MAP4K4: variants seen among roughly 807,000 people sequenced by gnomAD.
MAP4K4 encodes HPK/GCK-like kinase HGK.
MAP4K4 carries 38 observed loss-of-function variants against 189.6 expected under a neutral mutation model. The observed-to-expected ratio is 0.20, with a 90% CI of 0.15 to 0.26. The LOEUF (loss-of-function observed/expected upper bound fraction) is 0.26, where lower values mean the gene tolerates loss of function less well. MAP4K4 is among the 10% of genes least tolerant of loss of function. The pLI is 1.00. For missense variants in MAP4K4, 1,054 were observed against 1,726.9 expected (o/e 0.61, Z 6.91); for synonymous variants, 610 against 624.3 (o/e 0.98, Z 0.34).
intron 2 of MAP4K4, among the ~76,000 whole-genome samples, chr2:101,790,438 T>A (rs1423481802): frequency 6.6e-6 from 1 of 152,152 alleles, no homozygotes; most frequent in African/African-American, 2.4e-5. Context: ...AAAAAAAAGT[T>A]TCTTTGAGAT....
intron 2 of MAP4K4, among the ~76,000 whole-genome samples, chr2:101,783,683 C>T (rs559567459): frequency 6.6e-6 from 1 of 152,180 alleles, no homozygotes. Flanking sequence ...TATTAACACT[C>T]CCAAGCCAAC....
At chr2:101,862,325 A>C (rs1454741832) in intron 16 of MAP4K4, 1 of 146,874 alleles carries the variant, frequency 6.8e-6, no homozygotes, top group Admixed American at 6.8e-5. Flanking sequence ...TTTCCATGGG[A>C]CCAGCAGTTT....
At chr2:101,764,657 T>G (rs2077827779) in intron 2 of MAP4K4, among the ~76,000 whole-genome samples, 1 of 152,232 alleles carries the variant, frequency 6.6e-6, no homozygotes, top group Admixed American at 6.5e-5. Context: ...TTGTGTCTGC[T>G]TTTAAAGCTC....
rs547326378 is a variant in MAP4K4 at position 101,852,145 on chromosome 2, T to G, written c.1234-3832T>G. Among the ~76,000 whole-genome samples, 32 of 152,048 alleles carry G rather than the reference T, an allele frequency of 2.1e-4. No individual in the cohort carries two copies. In the East Asian group the frequency reaches 3.9e-3, roughly 18 times the overall value. On this transcript the variant is annotated intron_variant, in intron 12 of 32. Transcript: ENST00000324219. ...GGAGGCATAAAGGAGGTGTTTTTTT[T>G]TTTTGTTTTTATTAGTATGAGGCAC...
chr2:101,731,162 G>A (rs1195500741), intron 2 of MAP4K4, among the ~76,000 whole-genome samples: 1 of 151,636 alleles, frequency 6.6e-6, no homozygotes, highest in Non-Finnish European at 1.5e-5. Flanking sequence ...TGCTGCCCAG[G>A]CTGGAGTGCA....
intron 18 of MAP4K4, among the ~76,000 whole-genome samples, chr2:101,865,395 C>G (rs908940511): frequency 2.0e-5 from 3 of 152,180 alleles, no homozygotes; most frequent in Non-Finnish European, 4.4e-5. Context: ...ACAGAAATCA[C>G]AAACAGGTTA....
chr2:101,741,897 A>G (rs1394740837), intron 2 of MAP4K4, among the ~76,000 whole-genome samples: 1 of 152,238 alleles, frequency 6.6e-6, no homozygotes, highest in East Asian at 1.9e-4. Context: ...TAAATAGTAC[A>G]TGCCAAGTGT....
chr2:101,756,732 T>A lies in MAP4K4; in HGVS notation c.124-33988T>A, dbSNP rs566135602. ...ACCATGCCCAGCTAATTTTTGTATT[T>A]TTTTTTTTTTTTTTTGTAGAAACAG... On this transcript the variant is annotated intron_variant, in intron 2 of 32. Transcript: ENST00000324219. 7.6e-3 allele frequency among the ~76,000 whole-genome samples: 1,131 copies of A among 149,688 alleles called. 8 individuals are homozygous for A. The highest frequency in any genetic ancestry group is 0.013 in the Non-Finnish European group (903 of 67,284).
intron 2 of MAP4K4, among the ~76,000 whole-genome samples, chr2:101,765,271 G>A (rs1159415170): frequency 6.6e-6 from 1 of 152,182 alleles, no homozygotes; most frequent in African/African-American, 2.4e-5. Flanking sequence ...GGTAATACAA[G>A]GATTGTTGTT....
intron 2 of MAP4K4, among the ~76,000 whole-genome samples, chr2:101,706,382 T>C (rs2042318934): frequency 1.3e-5 from 2 of 152,220 alleles, no homozygotes. Context: ...GTTGTTTCTT[T>C]TATCATGACT....
At chr2:101,868,104 A>G in intron 21 of MAP4K4, 67 bp downstream of exon 21, 3 of 1,571,870 alleles carry the variant, frequency 1.9e-6, no homozygotes, top group Non-Finnish European at 2.6e-6. Context: ...CTCAGCTTGT[A>G]TTCGAGCTGC....
chr2:101,810,497 G>GA (rs1010068447), intron 3 of MAP4K4, among the ~76,000 whole-genome samples: 2 of 152,062 alleles, frequency 1.3e-5, no homozygotes, highest in African/African-American at 2.4e-5. Flanking sequence ...TATAATATCT[G>GA]AAAAAATTCA....
intron 23 of MAP4K4, chr2:101,870,663 C>G: frequency 2.2e-6 from 1 of 458,704 alleles, no homozygotes; most frequent in South Asian, 2.2e-5. Flanking sequence ...ATTCAAGCAC[C>G]GCGCTGAGTC....
chr2:101,863,129 C>T (rs1028108678), intron 16 of MAP4K4, among the ~76,000 whole-genome samples: 1 of 152,170 alleles, frequency 6.6e-6, no homozygotes, highest in African/African-American at 2.4e-5. Context: ...CAACAATAGT[C>T]AATTCAGGGA....
At chr2:101,872,141 C>T (rs747476569) in intron 24 of MAP4K4, among the ~76,000 whole-genome samples, 1 of 151,398 alleles carries the variant, frequency 6.6e-6, no homozygotes, top group Non-Finnish European at 1.5e-5. Context: ...ACAGGAATCT[C>T]TTTCAAACAG....
chr2:101,744,401 C>G (rs1389386649), intron 2 of MAP4K4, among the ~76,000 whole-genome samples: 2 of 152,250 alleles, frequency 1.3e-5, no homozygotes, highest in East Asian at 3.8e-4. Flanking sequence ...CAAGTGCCCA[C>G]TAGCCACATG....
chr2:101,829,639 C>A lies in MAP4K4; in HGVS notation c.508+45C>A, dbSNP rs375454438. ...CGTGATCTCATAATTGCACCTGGCA[C>A]AAGCCAGCTGCACTCCCAGTTCTGC... On this transcript the variant is annotated intron_variant, in intron 6 of 32. Transcript: ENST00000324219. 23 of 1,349,634 alleles carry A rather than the reference C, an allele frequency of 1.7e-5. No individual in the cohort carries two copies. In the African/African-American group the frequency reaches 2.3e-4, roughly 13 times the overall value. The allele number at this position is 1,349,634 out of a possible 1,614,324, so 83.6% of individuals were successfully genotyped here.
chr2:101,860,063 A>T (rs2097591170), intron 15 of MAP4K4, 199 bp downstream of exon 15: 1 of 614,046 alleles, frequency 1.6e-6, no homozygotes, highest in South Asian at 2.0e-5. Flanking sequence ...TGCTTTTTCC[A>T]TAAAGGACCA....
At chr2:101,843,645 C>T (rs560420786) in intron 11 of MAP4K4, among the ~76,000 whole-genome samples, 1 of 152,124 alleles carries the variant, frequency 6.6e-6, no homozygotes, top group East Asian at 1.9e-4. Context: ...TTGGGCTCAG[C>T]TGCTGACCTG....
Sources: gnomAD v4.1 joint callset for allele counts (sites outside exome capture counted in the v4.1 genomes callset) on GRCh38, gnomAD v4.1.1 for gene constraint, MANE v1.5 for transcripts, NCBI Gene and HGNC (gene_info 2026-07-23, HGNC 2026-07-21) for gene names.